The following C17orf107 variants were observed in gnomAD, a reference collection of about 807,000 sequenced individuals.
C17orf107 encodes chromosome 17 open reading frame 107, also known as uncharacterized protein C17orf107.
Under a neutral mutation model 8.9 loss-of-function variants are expected in C17orf107, and 9 were observed. That is an observed-to-expected ratio of 1.02 (90% CI 0.61 to 1.77). C17orf107 has a LOEUF of 1.77. Ranked by LOEUF, C17orf107 falls within the 40% of genes most tolerant of loss-of-function variation. The pLI is 0.00. For synonymous variants in C17orf107, 139 were observed against 120.3 expected (o/e 1.16, Z -1.02); for missense variants, 281 against 249.0 (o/e 1.13, Z -0.86).
chr17:4,901,873 CGCCCCATAAGG>C lies in C17orf107; in HGVS notation c.*1341_*1351del. 9.5e-6 allele frequency: 14 copies of C among 1,476,082 alleles called. No homozygotes were observed. Among genetic ancestry groups the C allele is most frequent in the African/African-American group, 2.8e-5 (2 of 70,802 alleles). The allele number at this position is 1,476,082 out of a possible 1,614,324, so 91.4% of individuals were successfully genotyped here. The stretch of plus-strand genomic sequence containing the variant: ...GAGGGCGGTGCTTCCCGGTTGGCCC[CGCCCCATAAGG>C]CCCCCCCCCAACAATAATCGTCCGG... On this transcript the variant is annotated 3_prime_UTR_variant, in exon 3 of 3. Coordinates refer to ENST00000381365, the MANE Select transcript of C17orf107 (RefSeq NM_001145536.2).
downstream of C17orf107, chr17:4,903,173 C>T: frequency 2.8e-6 from 3 of 1,082,442 alleles, no homozygotes; most frequent in Admixed American, 1.9e-5. Context: ...TGTTAGGGGA[C>T]TGTCACCTAA....
At chr17:4,904,601 C>G (rs1052318580), downstream of C17orf107, among the ~76,000 whole-genome samples, 3 of 152,160 alleles carry the variant, frequency 2.0e-5, no homozygotes, top group Admixed American at 2.0e-4. Flanking sequence ...TGATCACTGT[C>G]CTGAATACAT....
chr17:4,899,730 A>G lies in C17orf107; in HGVS notation c.-33A>G. The stretch of plus-strand genomic sequence containing the variant: ...CTACACGACGACAGACGCGTCCCCC[A>G]GCCCTTCTCCTGTCCTACCACTTGT... On this transcript the variant is annotated 5_prime_UTR_variant, in exon 1 of 3. Transcript: ENST00000381365. 1.9e-6 allele frequency: 3 copies of G among 1,542,244 alleles called. No individual in the cohort carries two copies. The highest frequency in any genetic ancestry group is 2.6e-6 in the Non-Finnish European group (3 of 1,139,030).
At position 4,902,527 on chromosome 17, in the gene C17orf107, G is replaced by T; in HGVS notation, c.*1994G>T. On this transcript the variant is annotated 3_prime_UTR_variant, in exon 3 of 3. Transcript: ENST00000381365. The surrounding 1 kb of genome is among the most constrained non-coding windows in gnomAD (Gnocchi z 4.0). ...TGGGAGATGGGGATGATTGAAGTGAGATTTCAGGGCCAGAAGTGAGCTTTA... is the reference window on the plus strand; with the variant it reads ...TGGGAGATGGGGATGATTGAAGTGATATTTCAGGGCCAGAAGTGAGCTTTA... 1 of 1,614,196 alleles carries T rather than the reference G, an allele frequency of 6.2e-7. No individual in the cohort carries two copies. The highest frequency in any genetic ancestry group is 1.1e-5 in the South Asian group (1 of 91,088).
At position 4,902,680 on chromosome 17, in the gene C17orf107, C is replaced by T. The variant is rs1597622715; in HGVS notation, c.*2147C>T. The stretch of plus-strand genomic sequence containing the variant: ...CTGATGGTGACAGTATCCTCAGGCT[C>T]CCGCACTGGCCGGCTTCCTGGGTCA... On this transcript the variant is annotated 3_prime_UTR_variant, in exon 3 of 3. Coordinates refer to ENST00000381365, the MANE Select transcript of C17orf107 (RefSeq NM_001145536.2). The surrounding 1 kb of genome is among the most constrained non-coding windows in gnomAD (Gnocchi z 4.0). 1 of 1,613,798 alleles carries T rather than the reference C, an allele frequency of 6.2e-7. No homozygotes were observed. Among genetic ancestry groups the T allele is most frequent in the Non-Finnish European group, 8.5e-7 (1 of 1,179,930 alleles).
chr17:4,903,157 C>T, downstream of C17orf107: 1 of 1,312,436 alleles, frequency 7.6e-7, no homozygotes, highest in Non-Finnish European at 1.1e-6. Context: ...GGTGTTAGTT[C>T]CGGGCTGTTA....
rs1290286487 is a variant in C17orf107, at chr17:4,900,449, T to C, written c.489T>C (p.Ser163=). 1 of 1,550,984 alleles carries C rather than the reference T, an allele frequency of 6.4e-7. No individual in the cohort carries two copies. Among genetic ancestry groups the C allele is most frequent in the East Asian group, 2.4e-5 (1 of 40,930 alleles). ...TGTGTGGACGGGGTCTGCAGGGGTC[T>C]GCCTCATTCCTGCGACAGTCGCAAC... ...LCLCGRGLQG[S]ASFLRQSQQQ... The change falls in exon 3 of 3, where the codon TCT becomes TCC. Residue 163 remains serine (S), a synonymous_variant. Transcript: ENST00000381365.
chr17:4,899,553 G>A lies in C17orf107; in HGVS notation c.-210G>A, dbSNP rs146533655. 9.4e-6 allele frequency: 15 copies of A among 1,597,000 alleles called. No individual in the cohort carries two copies. In the African/African-American group the frequency reaches 1.3e-4, roughly 14 times the overall value. ...GATGACGCAATTCATGACAATGAGC[G>A]TGGCGACCACCATGACGAAAATAAG... On this transcript the variant is annotated 5_prime_UTR_variant, in exon 1 of 3. In the 5' UTR this introduces an upstream ATG that the reference lacks. Coordinates refer to ENST00000381365, the MANE Select transcript of C17orf107 (RefSeq NM_001145536.2).
Position 4,901,199 on chromosome 17 carries a change from C to CG in C17orf107, c.*671dup. ...GGCCCACTCGCCGTTCTCTGCGGGACGGGGGCACGGTCAGCTGGCTGTCAG... is the reference window on the plus strand; with the variant it reads ...GGCCCACTCGCCGTTCTCTGCGGGACGGGGGGCACGGTCAGCTGGCTGTCAG... On this transcript the variant is annotated 3_prime_UTR_variant, in exon 3 of 3. Transcript: ENST00000381365. 1.3e-6 allele frequency: 2 copies of CG among 1,599,754 alleles called. No individual in the cohort carries two copies. Among genetic ancestry groups the CG allele is most frequent in the Non-Finnish European group, 8.5e-7 (1 of 1,177,498 alleles).
intron 1 of C17orf107, 47 bp from the exon 2 acceptor site, chr17:4,899,887 GCC>G: frequency 6.5e-7 from 1 of 1,548,512 alleles, no homozygotes; most frequent in Non-Finnish European, 8.7e-7. Flanking sequence ...TCTCCTGTTC[GCC>G]CCTGTGACCC....
At chr17:4,905,401 C>T (rs981176261), downstream of C17orf107, among the ~76,000 whole-genome samples, 4 of 151,914 alleles carry the variant, frequency 2.6e-5, no homozygotes, top group African/African-American at 9.7e-5. Context: ...AATAAATAAA[C>T]AACAACAAAA....
In C17orf107 at chr17:4,900,968, T is replaced by G. The variant is rs1597619072; in HGVS notation, c.*435T>G. On this transcript the variant is annotated 3_prime_UTR_variant, in exon 3 of 3. Transcript: ENST00000381365. ...CCGGGAGCGAGCCCGGGTTTGGGGG[T>G]AGGTTCGGGGCCACTGCTTACCCTG... The G allele has an allele frequency of 6.2e-7, 1 of 1,612,534 alleles. No homozygotes were observed. The highest frequency in any genetic ancestry group is 8.5e-7 in the Non-Finnish European group (1 of 1,179,564).
intron 1 of C17orf107, 48 bp downstream of exon 1, chr17:4,899,876 G>A (rs763258127): frequency 1.3e-6 from 2 of 1,549,332 alleles, no homozygotes; most frequent in South Asian, 1.2e-5. Context: ...TTCTGGGTAG[G>A]TCTCCTGTTC....
rs908310523 is a variant in C17orf107, at chr17:4,900,460, T to C, written c.500T>C (p.Leu167Pro). The C allele has an allele frequency of 5.2e-6, 8 of 1,550,966 alleles. No homozygotes were observed. The highest frequency in any genetic ancestry group is 6.1e-6 in the Non-Finnish European group (7 of 1,146,952). ...GGTCTGCAGGGGTCTGCCTCATTCC[T>C]GCGACAGTCGCAACAGCAGCTAGGC... ...GRGLQGSASF[L>P]RQSQQQLGLG... The change falls in exon 3 of 3, where the codon CTG becomes CCG. Residue 167 changes from leucine (L) to proline (P), a missense_variant. By Grantham distance (98) the Leu-to-Pro change is moderately conservative. Transcript: ENST00000381365.
Position 4,902,207 on chromosome 17 carries a change from CG to C in C17orf107, c.*1676del. ...CTTCCCTCCAGCCTGGCGTCTGGCC[CG>C]GTTCTCACTTGTTTTCCAGCACAAT... On this transcript the variant is annotated 3_prime_UTR_variant, in exon 3 of 3. Coordinates refer to ENST00000381365, the MANE Select transcript of C17orf107 (RefSeq NM_001145536.2). This position sits in a 1 kb window ranked among gnomAD's most constrained non-coding sequence, Gnocchi z 4.0. 1 of 1,613,892 alleles carries C rather than the reference CG, an allele frequency of 6.2e-7. No homozygotes were observed. The highest frequency in any genetic ancestry group is 8.5e-7 in the Non-Finnish European group (1 of 1,179,876).
At position 4,900,937 on chromosome 17, in the gene C17orf107, C is replaced by T. The variant is rs764752088; in HGVS notation, c.*404C>T. ...AGGGAGAGCCAGTGAGAGCGGGCCC[C>T]GCCTCCCGGGAGCGAGCCCGGGTTT... On this transcript the variant is annotated 3_prime_UTR_variant, in exon 3 of 3. Coordinates refer to ENST00000381365, the MANE Select transcript of C17orf107 (RefSeq NM_001145536.2). 1.9e-6 allele frequency: 3 copies of T among 1,614,028 alleles called. No individual in the cohort carries two copies. The highest frequency in any genetic ancestry group is 1.7e-5 in the Admixed American group (1 of 60,018).
Position 4,901,690 on chromosome 17 carries a change from C to T in C17orf107, c.*1157C>T. The T allele has an allele frequency of 6.6e-7, 1 of 1,506,518 alleles. No individual in the cohort carries two copies. The highest frequency in any genetic ancestry group is 9.2e-7 in the Non-Finnish European group (1 of 1,087,604). 93.3% of individuals were successfully genotyped at this position (1,506,518 alleles called of 1,614,324 possible). ...ACCTGGGCCCCGGCCTCAGGCCCAG[C>T]CCTGGAAGCTGGGATCTAGCGGGGC... is the stretch of plus-strand genomic sequence containing the variant. On this transcript the variant is annotated 3_prime_UTR_variant, in exon 3 of 3. Transcript: ENST00000381365.
chr17:4,901,252 G>A lies in C17orf107; in HGVS notation c.*719G>A. The A allele has an allele frequency of 1.3e-6, 2 of 1,562,818 alleles. No homozygotes were observed. The highest frequency in any genetic ancestry group is 1.7e-6 in the Non-Finnish European group (2 of 1,151,300). On this transcript the variant is annotated 3_prime_UTR_variant, in exon 3 of 3. Coordinates refer to ENST00000381365, the MANE Select transcript of C17orf107 (RefSeq NM_001145536.2). Reference sequence around the variant, plus strand: ...CGGGGCGCCCGCCGAGCTGACAGCGGGCTGAAGAGGAGGCTGCGGCTGTCT... The same window carrying A: ...CGGGGCGCCCGCCGAGCTGACAGCGAGCTGAAGAGGAGGCTGCGGCTGTCT...
In C17orf107 at chr17:4,902,726, A is replaced by G; in HGVS notation, c.*2193A>G. On this transcript the variant is annotated 3_prime_UTR_variant, in exon 3 of 3. Transcript: ENST00000381365. The surrounding 1 kb of genome is among the most constrained non-coding windows in gnomAD (Gnocchi z 4.0). ...GGTCATAGTTGTTGAAGAGATGGTG[A>G]TAAAGACGCAGTTCCTCGTTCTTCC... 2 of 1,613,998 alleles carry G rather than the reference A, an allele frequency of 1.2e-6. No individual in the cohort carries two copies. The highest frequency in any genetic ancestry group is 1.7e-6 in the Non-Finnish European group (2 of 1,179,998).
Sources: gnomAD v4.1 joint callset for allele counts (sites outside exome capture counted in the v4.1 genomes callset) on GRCh38, gnomAD v4.1.1 for gene constraint, Gnocchi (gnomAD v3.1) non-coding constraint, MANE v1.5 for transcripts, NCBI Gene and HGNC (gene_info 2026-07-23, HGNC 2026-07-21) for gene names.